Variants in TBC1D4 observed in about 807,000 individuals in gnomAD.
TBC1D4 encodes the protein TBC (Tre-2, BUB2, CDC16) domain-containing protein.
Under a neutral mutation model 142.5 loss-of-function variants are expected in TBC1D4, and 121 were observed. That is an observed-to-expected ratio of 0.85 (90% confidence interval 0.73 to 0.99). The LOEUF (loss-of-function observed/expected upper bound fraction) is 0.99. Among genes scored for constraint, TBC1D4 ranks in the 50% least tolerant of loss-of-function variants. The pLI is 0.00. For synonymous variants in TBC1D4, 630 were observed against 628.2 expected (o/e 1.00, Z -0.04); for missense variants, 1,475 against 1,606.6 (o/e 0.92, Z 1.40).
At chr13:75,368,265 A>G (rs1883033570) in intron 1 of TBC1D4, among the ~76,000 whole-genome samples, 1 of 152,224 alleles carries the variant, frequency 6.6e-6, no homozygotes, top group Non-Finnish European at 1.5e-5. Context: ...AGATGTGGCA[A>G]TAAACTGTTA....
rs764861459 is a variant in TBC1D4, at chr13:75,481,327, G to C, written c.441C>G (p.Pro147=). ...AGGCCATCTGCGACTCGGGGTCGTC[G>C]GGCTGCGCCTTGATCAGGTAGGCAA... ...TYFAYLIKAQ[P]DDPESQMACH... is the part of the protein sequence containing the mutation. The change falls in exon 1 of 21, where the codon CCC becomes CCG. Residue 147 remains proline (P), a synonymous_variant. Coordinates refer to ENST00000377636, the MANE Select transcript of TBC1D4 (RefSeq NM_014832.5). 10 of 1,613,806 alleles carry C rather than the reference G, an allele frequency of 6.2e-6. No homozygotes were observed. Among genetic ancestry groups the C allele is most frequent in the Non-Finnish European group, 8.5e-6 (10 of 1,179,834 alleles).
chr13:75,396,120 TAATCC>T (rs1469298079), intron 1 of TBC1D4, among the ~76,000 whole-genome samples: 7 of 152,322 alleles, frequency 4.6e-5, no homozygotes, highest in African/African-American at 1.7e-4. Context: ...GGTAAATGTT[TAATCC>T]AGTTTCCTTC....
intron 12 of TBC1D4, 57 bp from the exon 13 acceptor site, chr13:75,312,955 C>A (rs1303309119): frequency 2.5e-6 from 4 of 1,592,436 alleles, no homozygotes. Flanking sequence ...CATGGCACTT[C>A]ACAACCAACT....
intron 14 of TBC1D4, among the ~76,000 whole-genome samples, chr13:75,308,352 G>A (rs1877389047): frequency 6.6e-6 from 1 of 152,148 alleles, no homozygotes; most frequent in Admixed American, 6.5e-5. Context: ...ATACACAGCT[G>A]AGAAATACTG....
intron 1 of TBC1D4, chr13:75,366,946 T>TG: frequency 1.0e-6 from 1 of 985,172 alleles, no homozygotes; most frequent in Non-Finnish European, 1.2e-6. Context: ...AAACTGGAGG[T>TG]GGTCACGAAG....
At chr13:75,395,225 A>G (rs753262145) in intron 1 of TBC1D4, among the ~76,000 whole-genome samples, 1 of 152,242 alleles carries the variant, frequency 6.6e-6, no homozygotes, top group Non-Finnish European at 1.5e-5. Context: ...AAGGGTAGGC[A>G]TAAAACAGAT....
In TBC1D4 at chr13:75,349,327, T is replaced by G. The variant is rs529116876; in HGVS notation, c.1276-25A>C. ...CCTACAGGAAGAAACAAAACTCAGG[T>G]CTATAAAAGTTGGCTTACATGGCAA... On this transcript the variant is annotated intron_variant, in intron 4 of 20. Coordinates refer to ENST00000377636, the MANE Select transcript of TBC1D4 (RefSeq NM_014832.5). The G allele has an allele frequency of 3.2e-4, 513 of 1,613,110 alleles. 4 individuals carry two copies. The South Asian group carries it at 5.4e-3, about 17-fold the overall frequency.
chr13:75,428,171 TG>T lies in TBC1D4; in HGVS notation c.498+53098del, dbSNP rs1451361307. Among the ~76,000 whole-genome samples the T allele has an allele frequency of 1.6e-4, 24 of 152,240 alleles. No homozygotes were observed. In the South Asian group the frequency reaches 4.6e-3, roughly 29 times the overall value. ...GTACTGTTGGGTTTGTTTATTATTT[TG>T]GGGAGGACTTGGGGGGAGTAGAGGG... On this transcript the variant is annotated intron_variant, in intron 1 of 20. Transcript: ENST00000377636.
intron 1 of TBC1D4, among the ~76,000 whole-genome samples, chr13:75,440,520 C>T (rs927379826): frequency 1.3e-5 from 2 of 151,734 alleles, no homozygotes; most frequent in Non-Finnish European, 2.9e-5. Context: ...GTTAAGGGCC[C>T]TATGTTTATA....
intron 3 of TBC1D4, among the ~76,000 whole-genome samples, chr13:75,357,936 A>T (rs1002890132): frequency 2.0e-5 from 3 of 152,190 alleles, no homozygotes; most frequent in Non-Finnish European, 1.5e-5. Flanking sequence ...AAAAAATACA[A>T]AGGAGAAACA....
In TBC1D4 at chr13:75,286,595, C is replaced by A. The variant is rs1874690953; in HGVS notation, c.*197G>T. 3.4e-6 allele frequency: 2 copies of A among 589,512 alleles called. No homozygotes were observed. Among genetic ancestry groups the A allele is most frequent in the Non-Finnish European group, 6.0e-6 (2 of 331,306 alleles). The allele number at this position is 589,512 out of a possible 1,614,324, so 36.5% of individuals were successfully genotyped here. A position where few individuals can be genotyped will look rare whatever the true frequency, so the allele number is the denominator to read the frequency against. ...TATATGTACATAGCAACAACAAAAA[C>A]CAGTCTACATATGTCCAATGGCTTA... On this transcript the variant is annotated 3_prime_UTR_variant, in exon 21 of 21. Transcript: ENST00000377636.
At chr13:75,475,729 C>T (rs1888605950) in intron 1 of TBC1D4, among the ~76,000 whole-genome samples, 1 of 152,178 alleles carries the variant, frequency 6.6e-6, no homozygotes, top group Admixed American at 6.5e-5. Flanking sequence ...CAGTCTCTGC[C>T]TTACTGAATG....
chr13:75,406,369 C>A (rs1339941428), intron 1 of TBC1D4, among the ~76,000 whole-genome samples: 3 of 152,206 alleles, frequency 2.0e-5, no homozygotes, highest in Non-Finnish European at 4.4e-5. Context: ...CTTAAATTGC[C>A]ACCCAATTCA....
intron 1 of TBC1D4, among the ~76,000 whole-genome samples, chr13:75,382,775 T>TA (rs1373363944): frequency 6.6e-6 from 1 of 152,208 alleles, no homozygotes; most frequent in Non-Finnish European, 1.5e-5. Context: ...TTCAAGGACT[T>TA]AGTGTGAAAA....
intron 1 of TBC1D4, among the ~76,000 whole-genome samples, chr13:75,466,726 C>T (rs1294759181): frequency 6.6e-6 from 1 of 151,912 alleles, no homozygotes; most frequent in African/African-American, 2.4e-5. Context: ...CAAAAATTAG[C>T]TGGGCATGGT....
intron 15 of TBC1D4, chr13:75,302,763 C>G (rs1876709150): frequency 3.5e-6 from 1 of 289,668 alleles, no homozygotes; most frequent in Non-Finnish European, 6.6e-6. Flanking sequence ...ACTTTATAGA[C>G]AGAAAGCTGA....
chr13:75,315,959 T>C (rs1878283943), intron 12 of TBC1D4, among the ~76,000 whole-genome samples: 1 of 152,216 alleles, frequency 6.6e-6, no homozygotes, highest in African/African-American at 2.4e-5. Context: ...AGCCATCTAA[T>C]TTATACTTTA....
At position 75,441,976 on chromosome 13, in the gene TBC1D4, C is replaced by T. The variant is rs76764537; in HGVS notation, c.498+39294G>A. ...TCAATGTTTATGCTCAATTAACGTG[C>T]TGAAGACAACTAAGCTTAAAGCACT... On this transcript the variant is annotated intron_variant, in intron 1 of 20. Transcript: ENST00000377636. Among the ~76,000 whole-genome samples the T allele has an allele frequency of 2.1e-3, 325 of 152,308 alleles. 1 individual carries two copies. The highest frequency in any genetic ancestry group is 7.6e-3 in the African/African-American group (315 of 41,576).
At chr13:75,349,390 G>T in intron 4 of TBC1D4, 88 bp from the exon 5 acceptor site, 8 of 1,515,576 alleles carry the variant, frequency 5.3e-6, no homozygotes, top group Non-Finnish European at 7.2e-6. Context: ...CTTTGTTGAT[G>T]CTGACTAAAT....
Sources: gnomAD v4.1 joint callset for allele counts (sites outside exome capture counted in the v4.1 genomes callset) on GRCh38, gnomAD v4.1.1 for gene constraint, MANE v1.5 for transcripts, NCBI Gene and HGNC (gene_info 2026-07-23, HGNC 2026-07-21) for gene names.